Variants in AKAP10 observed in about 807,000 individuals in gnomAD.
The protein encoded by AKAP10 is A-kinase anchoring protein 10, also known as A-kinase anchor protein 10, mitochondrial.
AKAP10 carries 24 observed loss-of-function variants against 80.8 expected under a neutral mutation model. That is an observed-to-expected ratio of 0.30 (90% confidence interval 0.22 to 0.42). AKAP10 has a LOEUF of 0.42. AKAP10 is among the 10% of genes least tolerant of loss of function. The pLI is 1.00. For synonymous variants in AKAP10, 291 were observed against 277.7 expected (o/e 1.05, Z -0.48); for missense variants, 661 against 794.9 (o/e 0.83, Z 2.03).
chr17:19,957,495 A>T (rs2043292387), intron 4 of AKAP10, among the ~76,000 whole-genome samples: 2 of 151,834 alleles, frequency 1.3e-5, no homozygotes, highest in South Asian at 2.1e-4. Flanking sequence ...AGACCGCGCC[A>T]TTGCACTCCA....
intron 12 of AKAP10, among the ~76,000 whole-genome samples, chr17:19,912,347 G>A (rs1042345379): frequency 8.5e-5 from 13 of 152,148 alleles, no homozygotes; most frequent in African/African-American, 2.9e-4. Flanking sequence ...GACCAGCCTG[G>A]TCAACATAGT....
chr17:19,947,520 G>A lies in AKAP10; in HGVS notation c.878-15C>T. On this transcript the variant is annotated splice_polypyrimidine_tract_variant and intron_variant, in intron 4 of 14. Coordinates refer to ENST00000225737, the MANE Select transcript of AKAP10 (RefSeq NM_007202.4). ...TTGTTCTATACCTGCAAGGGAAGAA[G>A]AGAACTTCAAAAACCAAAAAGCAAC... 2 of 1,595,158 alleles carry A rather than the reference G, an allele frequency of 1.3e-6. No individual in the cohort carries two copies. The highest frequency in any genetic ancestry group is 1.3e-5 in the African/African-American group (1 of 74,574).
At chr17:19,961,952 C>T (rs529601959) in intron 3 of AKAP10, among the ~76,000 whole-genome samples, 1 of 151,982 alleles carries the variant, frequency 6.6e-6, no homozygotes, top group East Asian at 1.9e-4. Context: ...CCTGTCTCTA[C>T]AAAAAATTAA....
At chr17:19,914,468 C>T (rs2042723163) in intron 12 of AKAP10, among the ~76,000 whole-genome samples, 1 of 151,342 alleles carries the variant, frequency 6.6e-6, no homozygotes, top group Non-Finnish European at 1.5e-5. Context: ...TTGGTGAAAC[C>T]CTGTCTCTAC....
intron 5 of AKAP10, among the ~76,000 whole-genome samples, chr17:19,945,856 CATA>C (rs561251332): frequency 3.0e-3 from 457 of 152,016 alleles, no homozygotes; most frequent in African/African-American, 0.011. Flanking sequence ...AATAAAAATA[CATA>C]ATATTAGGAC....
At chr17:19,977,047 C>T (rs918525081) in intron 1 of AKAP10, among the ~76,000 whole-genome samples, 2 of 112,526 alleles carry the variant, frequency 1.8e-5, no homozygotes, top group African/African-American at 7.4e-5. Flanking sequence ...AGCAAACTTG[C>T]CAAAGTCATC....
chr17:19,908,992 A>T (rs1268033198), intron 14 of AKAP10, among the ~76,000 whole-genome samples, 189 bp downstream of exon 14: 1 of 152,208 alleles, frequency 6.6e-6, no homozygotes, highest in African/African-American at 2.4e-5. Context: ...GTTTCCCTGT[A>T]TTGCCCATTG....
At chr17:19,976,106 AAGT>A (rs1163772578) in intron 1 of AKAP10, among the ~76,000 whole-genome samples, 1 of 152,186 alleles carries the variant, frequency 6.6e-6, no homozygotes, top group African/African-American at 2.4e-5. Flanking sequence ...GAAGACAGAA[AAGT>A]AGGTTAACTG....
chr17:19,956,571 G>C (rs2043278075), intron 4 of AKAP10, among the ~76,000 whole-genome samples: 1 of 151,978 alleles, frequency 6.6e-6, no homozygotes, highest in Non-Finnish European at 1.5e-5. Context: ...TTTTTTCTTT[G>C]TTTGAGCTGG....
At chr17:19,947,579 G>T in intron 4 of AKAP10, 74 bp from the exon 5 acceptor site, 2 of 982,470 alleles carry the variant, frequency 2.0e-6, no homozygotes, top group Non-Finnish European at 3.3e-6. Context: ...TTCATGAATA[G>T]CAGGGCTTAG....
intron 10 of AKAP10, among the ~76,000 whole-genome samples, chr17:19,931,150 A>AT (rs775916052): frequency 2.6e-5 from 4 of 152,188 alleles, no homozygotes; most frequent in Non-Finnish European, 4.4e-5. Flanking sequence ...AGAAAAAAAA[A>AT]GGAGACCTAA....
intron 10 of AKAP10, among the ~76,000 whole-genome samples, chr17:19,926,154 G>A (rs958743595): frequency 2.0e-5 from 3 of 151,928 alleles, no homozygotes; most frequent in Non-Finnish European, 2.9e-5. Flanking sequence ...AGGTATGCAA[G>A]GTTGGTTTAA....
intron 1 of AKAP10, among the ~76,000 whole-genome samples, chr17:19,976,185 T>C (rs1372343197): frequency 6.6e-6 from 1 of 152,174 alleles, no homozygotes; most frequent in Non-Finnish European, 1.5e-5. Flanking sequence ...TGTTTAGTGC[T>C]TTTTCCAAAA....
Position 19,924,480 on chromosome 17 carries a change from T to G in AKAP10, c.1679A>C (p.Asn560Thr). 1 of 1,606,968 alleles carries G rather than the reference T, an allele frequency of 6.2e-7. No individual in the cohort carries two copies. The highest frequency in any genetic ancestry group is 8.5e-7 in the Non-Finnish European group (1 of 1,176,168). ...ATCCACAATTATCGCTTCATCAAAATTTTTCAGTATTTTAATACTGGCTTT... is the reference window on the plus strand; with the variant it reads ...ATCCACAATTATCGCTTCATCAAAAGTTTTCAGTATTTTAATACTGGCTTT... ...VKKASIKILK[N>T]FDEAIIVDAA... is the part of the protein sequence containing the mutation. Residue 560 changes from asparagine to threonine, a missense_variant, in exon 11 of 15, where the codon AAT becomes ACT. By Grantham distance (65) the Asn-to-Thr change is moderately conservative. Coordinates refer to ENST00000225737, the MANE Select transcript of AKAP10 (RefSeq NM_007202.4).
rs146647888 is a variant in AKAP10, at chr17:19,958,273, T to C, written c.618A>G (p.Arg206=). Reference sequence around the variant, plus strand: ...ACTGTGCTGAGCCAGAATCCTCCAATCTCTTATCAAGAGAATCAGTTAAAA... The same window carrying C: ...ACTGTGCTGAGCCAGAATCCTCCAACCTCTTATCAAGAGAATCAGTTAAAA... The part of the protein sequence containing the change: ...ASFLTDSLDK[R]LEDSGSAQLF... Residue 206 remains arginine (R), a synonymous_variant, in exon 4 of 15, where the codon AGA becomes AGG. Transcript: ENST00000225737. The C allele has an allele frequency of 1.2e-5, 20 of 1,614,088 alleles. No homozygotes were observed. In the African/African-American group the frequency reaches 2.5e-4, roughly 20 times the overall value.
intron 2 of AKAP10, among the ~76,000 whole-genome samples, chr17:19,964,915 C>A (rs1487679205): frequency 5.3e-5 from 8 of 152,098 alleles, no homozygotes; most frequent in African/African-American, 1.2e-4. Context: ...ACAACAACAA[C>A]AAAAAAGTAA....
intron 11 of AKAP10, among the ~76,000 whole-genome samples, chr17:19,923,035 C>T (rs2152411518): frequency 6.6e-6 from 1 of 152,274 alleles, no homozygotes; most frequent in Middle Eastern, 3.4e-3. Flanking sequence ...ATAACATCAT[C>T]TTTGGGAATG....
intron 12 of AKAP10, among the ~76,000 whole-genome samples, chr17:19,913,415 G>A (rs915277679): frequency 3.4e-4 from 52 of 152,152 alleles, no homozygotes; most frequent in South Asian, 6.2e-4. Context: ...GCCTCCCAAC[G>A]TGCTGGGATT....
chr17:19,909,114 G>A, intron 14 of AKAP10, 67 bp downstream of exon 14: 2 of 1,399,278 alleles, frequency 1.4e-6, no homozygotes, highest in Admixed American at 2.1e-5. Flanking sequence ...AACCCCTTAT[G>A]TTCTTTTTTA....
Sources: gnomAD v4.1 joint callset for allele counts (sites outside exome capture counted in the v4.1 genomes callset) on GRCh38, gnomAD v4.1.1 for gene constraint, MANE v1.5 for transcripts, NCBI Gene and HGNC (gene_info 2026-07-23, HGNC 2026-07-21) for gene names.